DLG2: variants seen among roughly 807,000 people sequenced by gnomAD.
DLG2 encodes disks large homolog 2.
DLG2 carries 45 observed loss-of-function variants against 132.5 expected under a neutral mutation model. The ratio of observed to expected loss-of-function variants is 0.34; its 90% CI spans 0.27 to 0.44. The LOEUF (loss-of-function observed/expected upper bound fraction) is 0.44. Ranked by LOEUF, DLG2 falls within the 20% of genes least tolerant of loss-of-function variation. The pLI is 1.00. For missense variants in DLG2, 1,045 were observed against 1,196.9 expected (o/e 0.87, Z 1.87); for synonymous variants, 424 against 419.6 (o/e 1.01, Z -0.13).
chr11:83,517,351 T>C (rs1565594773), intron 21 of DLG2, among the ~76,000 whole-genome samples: 1 of 152,218 alleles, frequency 6.6e-6, no homozygotes, highest in Non-Finnish European at 1.5e-5. Context: ...GTAGTTCTCA[T>C]GCTGTGGTTT....
chr11:84,180,932 A>G (rs1267515258), intron 8 of DLG2, among the ~76,000 whole-genome samples: 1 of 152,032 alleles, frequency 6.6e-6, no homozygotes, highest in East Asian at 1.9e-4. Flanking sequence ...TACTTCGGAG[A>G]GAAGAAAAAT....
At chr11:85,319,532 T>C (rs1337751864) in intron 3 of DLG2, among the ~76,000 whole-genome samples, 1 of 151,854 alleles carries the variant, frequency 6.6e-6, no homozygotes, top group African/African-American at 2.4e-5. Context: ...CCTCTATATC[T>C]TGAAGAAAAG....
At chr11:84,687,716 C>T (rs192204852) in intron 6 of DLG2, among the ~76,000 whole-genome samples, 43 of 152,206 alleles carry the variant, frequency 2.8e-4, no homozygotes, top group African/African-American at 1.0e-3. Context: ...TATCAGGTTT[C>T]ATTTGAGTAA....
intron 9 of DLG2, among the ~76,000 whole-genome samples, chr11:84,143,534 T>C (rs2094943372): frequency 6.6e-6 from 1 of 152,228 alleles, no homozygotes; most frequent in Non-Finnish European, 1.5e-5. Flanking sequence ...ATTTTCATAA[T>C]ACATACATTC....
rs530015706 is a variant in DLG2, at chr11:83,846,982, T to C, written c.1566-13212A>G. Among the ~76,000 whole-genome samples the C allele has an allele frequency of 5.3e-5, 8 of 151,922 alleles. No individual in the cohort carries two copies. In the South Asian group the frequency reaches 1.7e-3, roughly 32 times the overall value. On this transcript the variant is annotated intron_variant, in intron 16 of 27. Coordinates refer to ENST00000376104, the MANE Select transcript of DLG2 (RefSeq NM_001142699.3). The stretch of plus-strand genomic sequence containing the variant: ...AAAAGGATTACCCCTCTTTTTCTTT[T>C]ATTTCATAATGTTTTGGTTGCCAAC...
intron 6 of DLG2, among the ~76,000 whole-genome samples, chr11:84,624,121 TA>T (rs904601448): frequency 2.0e-5 from 3 of 152,198 alleles, no homozygotes; most frequent in East Asian, 1.9e-4. Context: ...TGAGTAAAGA[TA>T]GGGGGAAGAA....
chr11:85,302,623 T>C (rs1041385193), intron 3 of DLG2, among the ~76,000 whole-genome samples: 4 of 149,638 alleles, frequency 2.7e-5, no homozygotes, highest in Non-Finnish European at 4.4e-5. Flanking sequence ...GCTAATCCAA[T>C]TGGATACTCT....
intron 7 of DLG2, among the ~76,000 whole-genome samples, chr11:84,478,108 A>G (rs2099126757): frequency 6.6e-6 from 1 of 152,158 alleles, no homozygotes; most frequent in African/African-American, 2.4e-5. Flanking sequence ...CTATGTACTT[A>G]ATAAAAGAGG....
chr11:83,471,589 T>C lies in DLG2; in HGVS notation c.2446+37A>G, dbSNP rs768144981. The stretch of plus-strand genomic sequence containing the variant: ...CATCTCATAAAGAAATCCAAGCTCT[T>C]TTTGTTTTTCCTAGAGGAAAGAAAA... On this transcript the variant is annotated intron_variant, in intron 24 of 27. Transcript: ENST00000376104. 1.3e-5 allele frequency: 19 copies of C among 1,478,896 alleles called. No individual in the cohort carries two copies. In the South Asian group the frequency reaches 2.2e-4, roughly 17 times the overall value. The allele number at this position is 1,478,896 out of a possible 1,614,324, so 91.6% of individuals were successfully genotyped here.
chr11:84,108,496 G>A (rs1188283539), intron 9 of DLG2, among the ~76,000 whole-genome samples: 1 of 152,088 alleles, frequency 6.6e-6, no homozygotes, highest in Non-Finnish European at 1.5e-5. Flanking sequence ...ATGATGTGAG[G>A]TAGTGTGGCA....
chr11:84,322,038 TGCTAGTAGGGCAATGAAAGA>T (rs979536685), intron 7 of DLG2, among the ~76,000 whole-genome samples: 3 of 152,226 alleles, frequency 2.0e-5, no homozygotes, highest in African/African-American at 7.2e-5. Context: ...AGTAAGTGGT[TGCTAGTAGGGCAATGAAAGA>T]GCTCTCTTAT....
At chr11:85,467,507 T>G (rs2092831698) in intron 3 of DLG2, among the ~76,000 whole-genome samples, 1 of 152,088 alleles carries the variant, frequency 6.6e-6, no homozygotes, top group Non-Finnish European at 1.5e-5. Context: ...TTATTGGGAG[T>G]TTTTAGCATG....
Position 85,286,388 on chromosome 11 carries a change from A to G in DLG2, c.41-1023T>C, listed in dbSNP as rs563519478. On this transcript the variant is annotated intron_variant, in intron 3 of 27. Coordinates refer to ENST00000376104, the MANE Select transcript of DLG2 (RefSeq NM_001142699.3). Reference sequence around the variant, plus strand: ...GCTTAATGTAGATACAGATGAATACATATAAGAATATTTACAGACATGTAT... The same window carrying G: ...GCTTAATGTAGATACAGATGAATACGTATAAGAATATTTACAGACATGTAT... 2.0e-5 allele frequency among the ~76,000 whole-genome samples: 3 copies of G among 152,256 alleles called. No individual in the cohort carries two copies. The South Asian group carries it at 6.2e-4, about 32-fold the overall frequency.
intron 17 of DLG2, among the ~76,000 whole-genome samples, chr11:83,805,416 AT>A (rs200731109): frequency 0.012 from 1,749 of 151,796 alleles, 26 homozygotes; most frequent in Middle Eastern, 0.034. Context: ...TCATGACATA[AT>A]TTTTTATATA....
intron 16 of DLG2, among the ~76,000 whole-genome samples, chr11:83,860,476 T>C (rs895970394): frequency 1.3e-5 from 2 of 152,202 alleles, no homozygotes; most frequent in Non-Finnish European, 2.9e-5. Flanking sequence ...ATGAGGCCTG[T>C]AGCCCCTTTG....
intron 6 of DLG2, among the ~76,000 whole-genome samples, chr11:84,728,032 T>C (rs1565799019): frequency 6.6e-6 from 1 of 151,912 alleles, no homozygotes; most frequent in Non-Finnish European, 1.5e-5. Flanking sequence ...AATCATGTAA[T>C]CTGCAGACAC....
At chr11:84,343,949 T>C (rs762033003) in intron 7 of DLG2, among the ~76,000 whole-genome samples, 3 of 152,192 alleles carry the variant, frequency 2.0e-5, no homozygotes, top group Admixed American at 6.6e-5. Context: ...TCCTGTCTAG[T>C]TATCTAGTTA....
At chr11:84,163,176 A>G (rs1365683800) in intron 9 of DLG2, among the ~76,000 whole-genome samples, 9 of 152,122 alleles carry the variant, frequency 5.9e-5, no homozygotes, top group Admixed American at 1.3e-4. Flanking sequence ...TAATAATAAA[A>G]CCATTAAGAA....
intron 6 of DLG2, among the ~76,000 whole-genome samples, chr11:84,832,298 T>C (rs1054499997): frequency 3.3e-5 from 5 of 151,694 alleles, no homozygotes; most frequent in Admixed American, 6.6e-5. Flanking sequence ...TCAGGTTTTG[T>C]AAGACTGATT....
Sources: allele counts gnomAD v4.1 joint callset (sites outside exome capture counted in the v4.1 genomes callset), GRCh38; gene constraint gnomAD v4.1.1; transcripts MANE v1.5; gene names NCBI Gene and HGNC (gene_info 2026-07-23, HGNC 2026-07-21).